Variants in SFXN5 observed in about 807,000 individuals in gnomAD.
SFXN5 encodes sideroflexin-5.
Under a neutral mutation model 50.2 loss-of-function variants are expected in SFXN5, and 43 were observed. The ratio of observed to expected loss-of-function variants is 0.86; its 90% CI spans 0.67 to 1.11. The LOEUF (loss-of-function observed/expected upper bound fraction) is 1.11. SFXN5 is among the 50% of genes least tolerant of loss of function. SFXN5 has a pLI of 0.00. For synonymous variants in SFXN5, 203 were observed against 185.8 expected (o/e 1.09, Z -0.75); for missense variants, 463 against 454.1 (o/e 1.02, Z -0.18).
In SFXN5 at chr2:72,992,350, C is replaced by T. The variant is rs888576610; in HGVS notation, c.535-4002G>A. On this transcript the variant is annotated intron_variant, in intron 9 of 13. Coordinates refer to ENST00000272433, the MANE Select transcript of SFXN5 (RefSeq NM_144579.3). The surrounding 1 kb of genome is among the most constrained non-coding windows in gnomAD (Gnocchi z 4.5). Reference sequence around the variant, plus strand: ...GTAGCCTTAAGTACCAAGGGCTTTCCGGGCCAACAACAGGCCAGCAAGGAG... The same window carrying T: ...GTAGCCTTAAGTACCAAGGGCTTTCTGGGCCAACAACAGGCCAGCAAGGAG... Among the ~76,000 whole-genome samples, 4 of 152,156 alleles carry T rather than the reference C, an allele frequency of 2.6e-5. No individual in the cohort carries two copies. The highest frequency in any genetic ancestry group is 1.9e-4 in the East Asian group (1 of 5,194).
intron 1 of SFXN5, among the ~76,000 whole-genome samples, chr2:73,069,726 C>A (rs1206020004): frequency 3.3e-5 from 5 of 151,840 alleles, no homozygotes; most frequent in Non-Finnish European, 5.9e-5. Context: ...AGGGCTCAGT[C>A]ATATAAGCCA....
intron 6 of SFXN5, among the ~76,000 whole-genome samples, chr2:73,012,887 T>C (rs956829716): frequency 8.5e-5 from 13 of 152,140 alleles, no homozygotes; most frequent in Non-Finnish European, 1.9e-4. Flanking sequence ...GTAAGTCATA[T>C]TTATTATTTG....
intron 1 of SFXN5, among the ~76,000 whole-genome samples, chr2:73,067,860 C>T (rs1037783766): frequency 1.3e-5 from 2 of 152,220 alleles, no homozygotes; most frequent in Non-Finnish European, 2.9e-5. Flanking sequence ...TGGAGACAGA[C>T]TGCCTGGGAA....
intron 3 of SFXN5, among the ~76,000 whole-genome samples, chr2:73,032,910 G>A (rs1358005591): frequency 6.6e-6 from 1 of 152,158 alleles, no homozygotes; most frequent in Non-Finnish European, 1.5e-5. Flanking sequence ...CAGGTAATAT[G>A]TACCTATTGC....
intron 12 of SFXN5, among the ~76,000 whole-genome samples, chr2:72,963,649 A>T (rs1057034899): frequency 6.6e-6 from 1 of 152,180 alleles, no homozygotes; most frequent in Admixed American, 6.5e-5. Context: ...CCTGGAGCCC[A>T]GGGAGTAAAG....
At chr2:72,974,528 C>A (rs1670394183) in intron 10 of SFXN5, among the ~76,000 whole-genome samples, 1 of 152,156 alleles carries the variant, frequency 6.6e-6, no homozygotes, top group Admixed American at 6.5e-5. Flanking sequence ...ATGGTACCTG[C>A]CCCCTCCCCA....
chr2:73,040,024 T>C (rs1281543253), intron 3 of SFXN5, among the ~76,000 whole-genome samples: 7 of 152,108 alleles, frequency 4.6e-5, no homozygotes, highest in Admixed American at 3.3e-4. Context: ...TTGCCCAGGC[T>C]GGTCTTGAAC....
intron 2 of SFXN5, among the ~76,000 whole-genome samples, chr2:73,057,520 C>G (rs927168898): frequency 6.6e-6 from 1 of 152,132 alleles, no homozygotes; most frequent in African/African-American, 2.4e-5. Flanking sequence ...ATTCTGGAAA[C>G]AGCAAAACAA....
At chr2:73,055,907 G>A (rs773183761) in intron 2 of SFXN5, among the ~76,000 whole-genome samples, 28 of 152,174 alleles carry the variant, frequency 1.8e-4, no homozygotes, top group African/African-American at 2.4e-4. Flanking sequence ...GTCGGCCACC[G>A]GGCCAGTGAA....
intron 1 of SFXN5, among the ~76,000 whole-genome samples, chr2:73,065,137 T>A (rs1683083951): frequency 6.6e-6 from 1 of 152,036 alleles, no homozygotes; most frequent in Non-Finnish European, 1.5e-5. Flanking sequence ...GGTCTCACTC[T>A]GTTGCCCAGC....
Position 72,950,105 on chromosome 2 carries a change from G to A in SFXN5, c.946-5006C>T, listed in dbSNP as rs1672369773. Among the ~76,000 whole-genome samples the A allele has an allele frequency of 6.6e-6, 1 of 152,096 alleles. No individual in the cohort carries two copies. The highest frequency in any genetic ancestry group is 6.5e-5 in the Admixed American group (1 of 15,272). ...CCTTCAGAGTGGAGGAGCTCGCCCAGGGAAGCAGATGGAGGGGTGGGTGCC... is the reference window on the plus strand; with the variant it reads ...CCTTCAGAGTGGAGGAGCTCGCCCAAGGAAGCAGATGGAGGGGTGGGTGCC... On this transcript the variant is annotated intron_variant, in intron 13 of 13. Coordinates refer to ENST00000272433, the MANE Select transcript of SFXN5 (RefSeq NM_144579.3). This position sits in a 1 kb window ranked among gnomAD's most constrained non-coding sequence, Gnocchi z 4.2.
At chr2:72,955,283 C>T (rs1478397087) in intron 13 of SFXN5, among the ~76,000 whole-genome samples, 2 of 152,084 alleles carry the variant, frequency 1.3e-5, no homozygotes, top group African/African-American at 4.8e-5. Context: ...CTCGCCCGCC[C>T]GCCGCCCGCC....
chr2:72,982,587 A>G lies in SFXN5; in HGVS notation c.625+5671T>C, dbSNP rs560045340. Among the ~76,000 whole-genome samples, 4 of 152,290 alleles carry G rather than the reference A, an allele frequency of 2.6e-5. No individual in the cohort carries two copies. The East Asian group carries it at 7.8e-4, about 30-fold the overall frequency. On this transcript the variant is annotated intron_variant, in intron 10 of 13. Transcript: ENST00000272433. ...TCCAGTCCCTGCCTTGGGGCACTCA[A>G]TGTCTAATGGGGGAGGCAGGCTTGG...
chr2:73,017,917 G>A (rs577611190), intron 6 of SFXN5, among the ~76,000 whole-genome samples: 98 of 152,294 alleles, frequency 6.4e-4, no homozygotes, highest in East Asian at 3.9e-4. Flanking sequence ...GGATGGGGGT[G>A]AAGAGAGTAC....
At chr2:73,023,289 A>G in intron 3 of SFXN5, 75 bp from the exon 4 acceptor site, 2 of 1,435,310 alleles carry the variant, frequency 1.4e-6, no homozygotes, top group African/African-American at 1.4e-5. Context: ...CTTCCAACCC[A>G]TGTTTTCTAA....
At position 72,992,865 on chromosome 2, in the gene SFXN5, G is replaced by A. The variant is rs1251383195; in HGVS notation, c.535-4517C>T. ...CACTGGAGGAGCCACACGGCCCTGCGGGACTGCCTGGCTTGCTTGCAAGGC... is the reference window on the plus strand; with the variant it reads ...CACTGGAGGAGCCACACGGCCCTGCAGGACTGCCTGGCTTGCTTGCAAGGC... On this transcript the variant is annotated intron_variant, in intron 9 of 13. Coordinates refer to ENST00000272433, the MANE Select transcript of SFXN5 (RefSeq NM_144579.3). The surrounding 1 kb of genome is among the most constrained non-coding windows in gnomAD (Gnocchi z 4.5). 2.6e-5 allele frequency among the ~76,000 whole-genome samples: 4 copies of A among 152,176 alleles called. No individual in the cohort carries two copies. The highest frequency in any genetic ancestry group is 3.9e-4 in the East Asian group (2 of 5,192).
chr2:72,969,341 G>A (rs771198624), intron 11 of SFXN5, among the ~76,000 whole-genome samples: 37 of 152,230 alleles, frequency 2.4e-4, no homozygotes, highest in Non-Finnish European at 5.1e-4. Context: ...GGCTCATGGA[G>A]CCAAAGGAGG....
chr2:73,012,649 AACAC>A (rs57635824), intron 6 of SFXN5, among the ~76,000 whole-genome samples: 23,697 of 125,434 alleles, frequency 0.19, 1,999 homozygotes, highest in Non-Finnish European at 0.21. Flanking sequence ...CTAGCCAAAC[AACAC>A]ACACACACAC....
At chr2:72,965,310 G>C (rs181186503) in intron 12 of SFXN5, among the ~76,000 whole-genome samples, 15 of 152,154 alleles carry the variant, frequency 9.9e-5, no homozygotes, top group African/African-American at 3.6e-4. Context: ...GACTCCAGAG[G>C]AAAACCAATC....
Sources: gnomAD v4.1 joint callset for allele counts (sites outside exome capture counted in the v4.1 genomes callset) on GRCh38, gnomAD v4.1.1 for gene constraint, Gnocchi (gnomAD v3.1) non-coding constraint, MANE v1.5 for transcripts, NCBI Gene and HGNC (gene_info 2026-07-23, HGNC 2026-07-21) for gene names.